The following PRKAG2 variants were observed in gnomAD, a reference collection of about 807,000 sequenced individuals.
PRKAG2 encodes the protein protein kinase AMP-activated non-catalytic subunit gamma 2.
PRKAG2 carries 26 observed loss-of-function variants against 69.6 expected under a neutral mutation model. That is an observed-to-expected ratio of 0.37 (90% CI 0.27 to 0.52). The LOEUF is 0.52. Among genes scored for constraint, PRKAG2 ranks in the 20% least tolerant of loss-of-function variants. The probability of loss-of-function intolerance (pLI) is 0.90; values close to 1 mark genes in which losing one functional copy is unlikely to be tolerated. For synonymous variants in PRKAG2, 293 were observed against 285.0 expected (o/e 1.03, Z -0.28); for missense variants, 557 against 740.0 (o/e 0.75, Z 2.87).
At position 151,745,393 on chromosome 7, in the gene PRKAG2, G is replaced by A. The variant is rs551393166; in HGVS notation, c.466+35759C>T. Among the ~76,000 whole-genome samples the A allele has an allele frequency of 3.3e-5, 5 of 152,300 alleles. No individual in the cohort carries two copies. In the East Asian group the frequency reaches 5.8e-4, roughly 18 times the overall value. On this transcript the variant is annotated intron_variant, in intron 3 of 15. Transcript: ENST00000287878. The stretch of plus-strand genomic sequence containing the variant: ...CTGCACTTGACTCTGAGATCGCCAC[G>A]TCGCCTCACTGGGGCCTCCACGCCC...
Position 151,739,642 on chromosome 7 carries a change from G to T in PRKAG2, c.466+41510C>A, listed in dbSNP as rs188457520. On this transcript the variant is annotated intron_variant, in intron 3 of 15. Transcript: ENST00000287878. ...ACACCACCACACCCAGGCAATTTTT[G>T]TATTTTTCGTAGAGACGGGGGTTTC... 3.1e-3 allele frequency among the ~76,000 whole-genome samples: 478 copies of T among 151,852 alleles called. 2 individuals are homozygous for T. The highest frequency in any genetic ancestry group is 9.8e-3 in the African/African-American group (406 of 41,380).
At chr7:151,872,273 G>C (rs959313283) in intron 1 of PRKAG2, among the ~76,000 whole-genome samples, 1 of 152,036 alleles carries the variant, frequency 6.6e-6, no homozygotes, top group Non-Finnish European at 1.5e-5. Context: ...TCAGGCCCTC[G>C]GACCCTTACC....
intron 1 of PRKAG2, among the ~76,000 whole-genome samples, chr7:151,864,742 A>G (rs1477993040): frequency 6.6e-6 from 1 of 152,142 alleles, no homozygotes; most frequent in Non-Finnish European, 1.5e-5. Flanking sequence ...GGGAGGGCTC[A>G]GGTGACACTC....
At chr7:151,572,807 C>G (rs559486956) in intron 8 of PRKAG2, 98 bp from the exon 9 acceptor site, 1 of 790,170 alleles carries the variant, frequency 1.3e-6, no homozygotes, top group East Asian at 2.9e-5. Flanking sequence ...ATAGCATTTT[C>G]TATTCGCAAT....
At chr7:151,766,316 G>T (rs1405457712) in intron 3 of PRKAG2, among the ~76,000 whole-genome samples, 1 of 152,348 alleles carries the variant, frequency 6.6e-6, no homozygotes, top group East Asian at 1.9e-4. Flanking sequence ...GAACGGGGAA[G>T]AAGTGAGGTG....
At chr7:151,746,039 A>G (rs978449977) in intron 3 of PRKAG2, among the ~76,000 whole-genome samples, 1 of 151,988 alleles carries the variant, frequency 6.6e-6, no homozygotes, top group Non-Finnish European at 1.5e-5. Context: ...GAAACTCTGC[A>G]GGCCAGCCAT....
intron 1 of PRKAG2, among the ~76,000 whole-genome samples, chr7:151,799,903 TAAC>T (rs891875017): frequency 3.9e-5 from 6 of 152,206 alleles, no homozygotes; most frequent in African/African-American, 1.2e-4. Context: ...ACGGGTGGGC[TAAC>T]AACACTCACA....
At chr7:151,610,524 A>C (rs1284515009) in intron 5 of PRKAG2, among the ~76,000 whole-genome samples, 2 of 151,824 alleles carry the variant, frequency 1.3e-5, no homozygotes, top group African/African-American at 4.8e-5. Context: ...TGAAAATACA[A>C]AAATTAGCTG....
intron 1 of PRKAG2, among the ~76,000 whole-genome samples, chr7:151,830,123 T>G (rs1347058581): frequency 1.3e-5 from 2 of 150,202 alleles, no homozygotes; most frequent in Non-Finnish European, 3.0e-5. Flanking sequence ...ACCTGGTTTT[T>G]TTTTTTTTTT....
At chr7:151,664,335 A>G (rs1030718518) in intron 4 of PRKAG2, among the ~76,000 whole-genome samples, 1 of 152,130 alleles carries the variant, frequency 6.6e-6, no homozygotes, top group Admixed American at 6.5e-5. Flanking sequence ...CGATATTCCC[A>G]TTTAACAGAG....
chr7:151,729,314 T>A (rs983346114), intron 3 of PRKAG2, among the ~76,000 whole-genome samples: 2 of 151,838 alleles, frequency 1.3e-5, no homozygotes, highest in Non-Finnish European at 2.9e-5. Context: ...CAAACAAGGA[T>A]GCCGCACCCC....
chr7:151,815,002 C>A, intron 1 of PRKAG2: 1 of 310,654 alleles, frequency 3.2e-6, no homozygotes, highest in Non-Finnish European at 4.7e-6. Context: ...TCCAGGTCCT[C>A]TGGCCAGCAC....
intron 3 of PRKAG2, among the ~76,000 whole-genome samples, chr7:151,731,952 C>T (rs759540591): frequency 4.6e-5 from 7 of 152,154 alleles, no homozygotes; most frequent in Non-Finnish European, 8.8e-5. Context: ...ATCCTCCCAC[C>T]TTAGCCTCCC....
At chr7:151,791,371 AT>A (rs2077267235) in intron 1 of PRKAG2, among the ~76,000 whole-genome samples, 1 of 152,162 alleles carries the variant, frequency 6.6e-6, no homozygotes, top group Non-Finnish European at 1.5e-5. Context: ...TGATTTCTAA[AT>A]TTAAAACTCC....
At chr7:151,558,466 T>C (rs13237561) in intron 15 of PRKAG2, 619,873 of 983,140 alleles carry the variant, frequency 0.63, 200,469 homozygotes, top group East Asian at 0.72. Context: ...GCTCCTTCTC[T>C]ACTGAAGAAA....
In PRKAG2 at chr7:151,574,230, G is replaced by A. The variant is rs560195824; in HGVS notation, c.1005+661C>T. On this transcript the variant is annotated intron_variant, in intron 8 of 15. Coordinates refer to ENST00000287878, the MANE Select transcript of PRKAG2 (RefSeq NM_016203.4). Reference sequence around the variant, plus strand: ...TAGTTAAATAAGAGTATGCAATCCTGTCCTTCCCCCCACCCTCATGAACAA... The same window carrying A: ...TAGTTAAATAAGAGTATGCAATCCTATCCTTCCCCCCACCCTCATGAACAA... Among the ~76,000 whole-genome samples, 65 of 152,246 alleles carry A rather than the reference G, an allele frequency of 4.3e-4. 1 individual carries two copies. The highest frequency in any genetic ancestry group is 3.4e-3 in the Middle Eastern group (1 of 294).
chr7:151,576,295 G>T, intron 7 of PRKAG2, 76 bp downstream of exon 7: 1 of 1,269,968 alleles, frequency 7.9e-7, no homozygotes, highest in Non-Finnish European at 1.1e-6. Context: ...TTCCAAACCG[G>T]CATCTATTAA....
chr7:151,669,794 G>A (rs1831577640), intron 4 of PRKAG2, among the ~76,000 whole-genome samples: 1 of 112,600 alleles, frequency 8.9e-6, no homozygotes, highest in Non-Finnish European at 1.9e-5. Context: ...GCACACACCT[G>A]TGCACACACT....
intron 3 of PRKAG2, among the ~76,000 whole-genome samples, chr7:151,679,588 T>C (rs73158150): frequency 6.6e-6 from 1 of 152,274 alleles, no homozygotes; most frequent in Non-Finnish European, 1.5e-5. Context: ...GGGGGCGTTT[T>C]AGGTTCAAAA....
Sources: allele counts gnomAD v4.1 joint callset (sites outside exome capture counted in the v4.1 genomes callset), GRCh38; gene constraint gnomAD v4.1.1; transcripts MANE v1.5; gene names NCBI Gene and HGNC (gene_info 2026-07-23, HGNC 2026-07-21).